ATG2A: variants seen among roughly 807,000 people sequenced by gnomAD.
The protein encoded by ATG2A is autophagy related 2A, also known as autophagy-related protein 2 homolog A.
In ATG2A, 103 loss-of-function variants were observed where a neutral mutation model predicts 214.2. That is an observed-to-expected ratio of 0.48 (90% CI 0.41 to 0.57). The LOEUF (loss-of-function observed/expected upper bound fraction) is 0.57. Among genes scored for constraint, ATG2A ranks in the 20% least tolerant of loss-of-function variants. The pLI is 0.00. For missense variants in ATG2A, 2,312 were observed against 2,613.2 expected, an observed-to-expected ratio of 0.88 and a Z score of 2.51; for synonymous variants, 1,160 against 1,142.1, an observed-to-expected ratio of 1.02 and a Z score of -0.32.
In ATG2A at chr11:64,911,846, T is replaced by C. The variant is rs1336414288; in HGVS notation, c.1224A>G (p.Pro408=). 1 of 1,612,742 alleles carries C rather than the reference T, an allele frequency of 6.2e-7. No individual in the cohort carries two copies. The highest frequency in any genetic ancestry group is 1.3e-5 in the African/African-American group (1 of 74,890). ...CCCCAGGGTGCTCCAACTCACCAGC[T>C]GGGTGGGCCTGGGCAGAGAGCCGGC... ...ASRRLSAQAH[P]AGKMAPNPLL... The change falls in exon 9 of 41, where the codon CCA becomes CCG. Residue 408 remains proline (P), a synonymous_variant. Transcript: ENST00000377264.
chr11:64,904,227 C>G (rs1335161734), intron 24 of ATG2A, among the ~76,000 whole-genome samples: 1 of 149,138 alleles, frequency 6.7e-6, no homozygotes, highest in African/African-American at 2.5e-5. Flanking sequence ...GCCTGGGCGA[C>G]AGAGTGAGAC....
At chr11:64,901,905 C>T (rs893046417) in intron 29 of ATG2A, 57 bp downstream of exon 29, 1 of 1,587,716 alleles carries the variant, frequency 6.3e-7, no homozygotes, top group Non-Finnish European at 8.6e-7. Flanking sequence ...GTGTTCCGTC[C>T]CCGCTCCAAA....
Position 64,903,189 on chromosome 11 carries a change from T to C in ATG2A, c.3612+99A>G, listed in dbSNP as rs926703735. 56 of 1,139,864 alleles carry C rather than the reference T, an allele frequency of 4.9e-5. No homozygotes were observed. The highest frequency in any genetic ancestry group is 7.0e-5 in the Non-Finnish European group (54 of 771,068). The allele number at this position is 1,139,864 out of a possible 1,614,324, so 70.6% of individuals were successfully genotyped here. On this transcript the variant is annotated intron_variant, in intron 26 of 40. Coordinates refer to ENST00000377264, the MANE Select transcript of ATG2A (RefSeq NM_015104.3). The surrounding 1 kb of genome is among the most constrained non-coding windows in gnomAD (Gnocchi z 4.2). ...CCAGGAAGGGCAGGCATGAACTGTG[T>C]CCGGAGCCCAGGCACGTGAGGGAGC...
At position 64,902,687 on chromosome 11, in the gene ATG2A, G is replaced by A. The variant is rs755670364; in HGVS notation, c.3613-7C>T. On this transcript the variant is annotated splice_region_variant and splice_polypyrimidine_tract_variant and intron_variant, in intron 26 of 40. Coordinates refer to ENST00000377264, the MANE Select transcript of ATG2A (RefSeq NM_015104.3). ...GCTCGAATAGTGGCTGGCTCTGCAG[G>A]GGCGGGGTGGGGGGAGCAGCTATGT... 8 of 1,605,512 alleles carry A rather than the reference G, an allele frequency of 5.0e-6. No homozygotes were observed. Among genetic ancestry groups the A allele is most frequent in the East Asian group, 2.2e-5 (1 of 44,734 alleles).
chr11:64,905,715 C>T, intron 23 of ATG2A, 27 bp downstream of exon 23: 1 of 1,613,830 alleles, frequency 6.2e-7, no homozygotes, highest in Non-Finnish European at 8.5e-7. Context: ...TCCCCGTCCC[C>T]AGCCCCTGGC....
In ATG2A at chr11:64,914,453, C is replaced by T. The variant is rs372052138; in HGVS notation, c.219G>A (p.Val73=). The T allele has an allele frequency of 3.7e-6, 6 of 1,612,942 alleles. No individual in the cohort carries two copies. In the African/African-American group the frequency reaches 8.0e-5, roughly 21 times the overall value. Residue 73 remains valine (V), a synonymous_variant, in exon 2 of 41, where the codon GTG becomes GTA. Coordinates refer to ENST00000377264, the MANE Select transcript of ATG2A (RefSeq NM_015104.3). ...CCTCGATGGAGCCCACGAAGCCTTCCACCAGCTCCAGCGGTGACTCCATTG... is the reference window on the plus strand; with the variant it reads ...CCTCGATGGAGCCCACGAAGCCTTCTACCAGCTCCAGCGGTGACTCCATTG... ...LESMESPLEL[V]EGFVGSIEVA...
In ATG2A at chr11:64,913,525, C is replaced by T. The variant is rs1036190153; in HGVS notation, c.591-124G>A. ...TAGCCTGCAGAGCTGCCCCATCACA[C>T]CTAGGCCGTCCTGAACCACCATGTC... On this transcript the variant is annotated intron_variant, in intron 4 of 40. Coordinates refer to ENST00000377264, the MANE Select transcript of ATG2A (RefSeq NM_015104.3). This position sits in a 1 kb window ranked among gnomAD's most constrained non-coding sequence, Gnocchi z 4.3. The T allele has an allele frequency of 7.9e-6, 10 of 1,261,090 alleles. No individual in the cohort carries two copies. The African/African-American group carries it at 9.0e-5, about 11-fold the overall frequency. The allele number at this position is 1,261,090 out of a possible 1,614,324, so 78.1% of individuals were successfully genotyped here. A position where few individuals can be genotyped will look rare whatever the true frequency, so the allele number is the denominator to read the frequency against.
At chr11:64,900,391 C>T in intron 31 of ATG2A, 103 bp downstream of exon 31, 1 of 1,563,840 alleles carries the variant, frequency 6.4e-7, no homozygotes, top group African/African-American at 1.3e-5. Context: ...ACTACAAAGG[C>T]AGGGGTTTTC....
At position 64,910,023 on chromosome 11, in the gene ATG2A, T is replaced by G. The variant is rs1380569911; in HGVS notation, c.1863+17A>C. On this transcript the variant is annotated intron_variant, in intron 13 of 40. Transcript: ENST00000377264. ...CCTGCACCCACCCCCGGCCTGGCCC[T>G]GGCAGGGGCCTCTCACCAGCAGGCC... 6.4e-7 allele frequency: 1 copy of G among 1,561,454 alleles called. No homozygotes were observed. The highest frequency in any genetic ancestry group is 8.7e-7 in the Non-Finnish European group (1 of 1,154,556).
At chr11:64,909,436 G>A (rs1270555785) in intron 14 of ATG2A, 69 bp from the exon 15 acceptor site, 1 of 1,522,440 alleles carries the variant, frequency 6.6e-7, no homozygotes, top group East Asian at 2.3e-5. Context: ...CAATGCCCAG[G>A]TCGGCTCAGA....
rs200697938 is a variant in ATG2A, at chr11:64,911,096, G to C, written c.1408C>G (p.Arg470Gly). 2.8e-4 allele frequency: 457 copies of C among 1,614,088 alleles called. 6 individuals are homozygous for C. In the South Asian group the frequency reaches 4.6e-3, roughly 16 times the overall value. The change falls in exon 10 of 41, where the codon CGA (arginine) becomes GGA (glycine). Residue 470 changes from arginine to glycine, a missense_variant. Transcript: ENST00000377264. ...CGTGGTCGAAGGTGATGGAAGTCTC[G>C]GGAACCGAAGGGCCCATCCTTGGTG... Reference protein sequence around the residue: ...DATKDGPFGSRDFHHLRPRFQ... With the variant: ...DATKDGPFGSGDFHHLRPRFQ...
In ATG2A at chr11:64,909,985, G is replaced by A. The variant is rs563134454; in HGVS notation, c.1863+55C>T. ...GCCCCTCCCACTGTGACCAAGAGCCGAAGGACCCAGGCCCTGCACCCACCC... is the reference window on the plus strand; with the variant it reads ...GCCCCTCCCACTGTGACCAAGAGCCAAAGGACCCAGGCCCTGCACCCACCC... On this transcript the variant is annotated intron_variant, in intron 13 of 40. Coordinates refer to ENST00000377264, the MANE Select transcript of ATG2A (RefSeq NM_015104.3). 2.1e-4 allele frequency: 326 copies of A among 1,566,378 alleles called. 1 individual carries two copies. Among genetic ancestry groups the A allele is most frequent in the South Asian group, 2.6e-4 (22 of 85,354 alleles).
At chr11:64,906,027 C>A in intron 22 of ATG2A, 86 bp downstream of exon 22, 7 of 1,472,438 alleles carry the variant, frequency 4.8e-6, no homozygotes, top group Non-Finnish European at 6.4e-6. Context: ...TTCCTCCCAC[C>A]GGCCTCCTCC....
At position 64,894,910 on chromosome 11, in the gene ATG2A, G is replaced by A. The variant is rs1280674388; in HGVS notation, c.*63C>T. ...CCAGGCCGGGCCGGGCCCGTGGGCT[G>A]CAGCTCTTGGGAGGCTCAGGAGCAT... On this transcript the variant is annotated 3_prime_UTR_variant, in exon 41 of 41. Coordinates refer to ENST00000377264, the MANE Select transcript of ATG2A (RefSeq NM_015104.3). The A allele has an allele frequency of 8.8e-6, 14 of 1,583,814 alleles. No individual in the cohort carries two copies. The highest frequency in any genetic ancestry group is 1.2e-5 in the Non-Finnish European group (14 of 1,158,398).
Position 64,906,207 on chromosome 11 carries a change from C to T in ATG2A, c.3184-14G>A, listed in dbSNP as rs377281927. 16 of 1,611,226 alleles carry T rather than the reference C, an allele frequency of 9.9e-6. No individual in the cohort carries two copies. Among genetic ancestry groups the T allele is most frequent in the African/African-American group, 5.3e-5 (4 of 74,894 alleles). ...CACCAGGAACTCCTGAGGGTGGGGG[C>T]GCAGTCAGGGCAGTGGGGAGGCCAG... is the stretch of plus-strand genomic sequence containing the variant. On this transcript the variant is annotated splice_polypyrimidine_tract_variant and intron_variant, in intron 21 of 40. Transcript: ENST00000377264.
chr11:64,909,984 C>T lies in ATG2A; in HGVS notation c.1863+56G>A. ...AGCCCCTCCCACTGTGACCAAGAGCCGAAGGACCCAGGCCCTGCACCCACC... is the reference window on the plus strand; with the variant it reads ...AGCCCCTCCCACTGTGACCAAGAGCTGAAGGACCCAGGCCCTGCACCCACC... On this transcript the variant is annotated intron_variant, in intron 13 of 40. Transcript: ENST00000377264. 11 of 1,566,468 alleles carry T rather than the reference C, an allele frequency of 7.0e-6. No individual in the cohort carries two copies. In the Middle Eastern group the frequency reaches 5.1e-4, roughly 73 times the overall value.
Position 64,909,834 on chromosome 11 carries a change from G to A in ATG2A, c.1954C>T (p.Leu652=). Residue 652 remains leucine (L), a synonymous_variant, in exon 14 of 41, where the codon CTG becomes TTG. Transcript: ENST00000377264. The stretch of plus-strand genomic sequence containing the variant: ...GCCCAGGGGTCCGGCTCAGGCCGCA[G>A]GTCGGCAATGGGGAAGCGCAGCCGC... ...TLRLRFPIAD[L]RPEPDPWAGQ... is the part of the protein sequence containing the mutation. 6.2e-7 allele frequency: 1 copy of A among 1,610,688 alleles called. No individual in the cohort carries two copies. Among genetic ancestry groups the A allele is most frequent in the Non-Finnish European group, 8.5e-7 (1 of 1,179,198 alleles).
rs1308276737 is a variant in ATG2A, at chr11:64,894,683, G to T, written c.*290C>A. 3 of 670,598 alleles carry T rather than the reference G, an allele frequency of 4.5e-6. No homozygotes were observed. The East Asian group carries it at 8.6e-5, about 19-fold the overall frequency. 41.5% of individuals were successfully genotyped at this position (670,598 alleles called of 1,614,324 possible). A position where few individuals can be genotyped will look rare whatever the true frequency, so the allele number is the denominator to read the frequency against. ...GAAAGACACTTGGCTGAGTGGGATG[G>T]GGTCCGAGGGTCCAAAAGCCTCCGT... On this transcript the variant is annotated 3_prime_UTR_variant, in exon 41 of 41. Coordinates refer to ENST00000377264, the MANE Select transcript of ATG2A (RefSeq NM_015104.3).
rs756482559 is a variant in ATG2A, at chr11:64,894,947, C to T, written c.*26G>A. On this transcript the variant is annotated 3_prime_UTR_variant, in exon 41 of 41. Coordinates refer to ENST00000377264, the MANE Select transcript of ATG2A (RefSeq NM_015104.3). Reference sequence around the variant, plus strand: ...AGGCTCAGGAGCATGGTGGGCAGCACCCTCTGGGTGCCGGGCACCCCAGGC... The same window carrying T: ...AGGCTCAGGAGCATGGTGGGCAGCATCCTCTGGGTGCCGGGCACCCCAGGC... 1.2e-6 allele frequency: 2 copies of T among 1,610,208 alleles called. No homozygotes were observed. The highest frequency in any genetic ancestry group is 1.3e-5 in the African/African-American group (1 of 74,892).
Sources: gnomAD v4.1 joint callset for allele counts (sites outside exome capture counted in the v4.1 genomes callset) on GRCh38, gnomAD v4.1.1 for gene constraint, Gnocchi (gnomAD v3.1) non-coding constraint, MANE v1.5 for transcripts, NCBI Gene and HGNC (gene_info 2026-07-23, HGNC 2026-07-21) for gene names.